The following PTPRE variants were observed in gnomAD, a reference collection of about 807,000 sequenced individuals.
The protein encoded by PTPRE is protein tyrosine phosphatase receptor type E.
A neutral mutation model predicts 102.0 loss-of-function variants in PTPRE; 51 were observed. The ratio of observed to expected loss-of-function variants is 0.50; its 90% CI spans 0.40 to 0.63. The LOEUF (loss-of-function observed/expected upper bound fraction) is 0.63, where lower values mean the gene tolerates loss of function less well. PTPRE is among the 30% of genes least tolerant of loss of function. PTPRE has a pLI of 0.00. For synonymous variants in PTPRE, 345 were observed against 348.2 expected, an observed-to-expected ratio of 0.99 and a Z score of 0.10; for missense variants, 752 against 915.1, an observed-to-expected ratio of 0.82 and a Z score of 2.30.
chr10:128,021,329 A>G (rs1474089783), intron 2 of PTPRE, among the ~76,000 whole-genome samples: 1 of 151,958 alleles, frequency 6.6e-6, no homozygotes, highest in Non-Finnish European at 1.5e-5. Context: ...AGGGACTGTG[A>G]CCTCCTGGGG....
chr10:128,030,951 A>C (rs1387407586), intron 2 of PTPRE, among the ~76,000 whole-genome samples: 1 of 152,220 alleles, frequency 6.6e-6, no homozygotes, highest in African/African-American at 2.4e-5. Flanking sequence ...CGCCTAACAC[A>C]TGGCAGTTGC....
intron 2 of PTPRE, among the ~76,000 whole-genome samples, chr10:128,027,120 G>A (rs745784386): frequency 6.6e-6 from 1 of 152,228 alleles, no homozygotes; most frequent in Non-Finnish European, 1.5e-5. Context: ...ATTTCCTAGA[G>A]AGGGTATTAG....
chr10:127,976,739 A>G (rs1264161620), intron 1 of PTPRE, among the ~76,000 whole-genome samples: 2 of 152,214 alleles, frequency 1.3e-5, no homozygotes, highest in African/African-American at 4.8e-5. Flanking sequence ...CCCTCCCCCA[A>G]GTTCAGTAGC....
intron 2 of PTPRE, among the ~76,000 whole-genome samples, chr10:128,003,078 C>T (rs1478292029): frequency 6.6e-6 from 1 of 152,150 alleles, no homozygotes; most frequent in Admixed American, 6.5e-5. Context: ...TCCTGAAGAG[C>T]AGAGTGGGCT....
chr10:128,046,384 G>A (rs896768275), intron 3 of PTPRE, among the ~76,000 whole-genome samples: 1 of 152,194 alleles, frequency 6.6e-6, no homozygotes, highest in African/African-American at 2.4e-5. Context: ...AGTGATTGGT[G>A]CTTCTGGGAA....
chr10:127,990,411 C>CAAAAAAAAAAA (rs60034358), intron 2 of PTPRE, among the ~76,000 whole-genome samples: 3 of 65,722 alleles, frequency 4.6e-5, no homozygotes, highest in Admixed American at 1.8e-4. Flanking sequence ...GACTCCACCT[C>CAAAAAAAAAAA]AAAAAAAAAA....
intron 1 of PTPRE, among the ~76,000 whole-genome samples, chr10:127,958,472 A>G (rs894327611): frequency 2.6e-5 from 4 of 152,008 alleles, no homozygotes; most frequent in African/African-American, 9.7e-5. Flanking sequence ...TTTCTTCTTT[A>G]GCCTGTTGAT....
At chr10:127,969,633 ACTCCACC>A (rs929876894) in intron 1 of PTPRE, among the ~76,000 whole-genome samples, 1 of 140,392 alleles carries the variant, frequency 7.1e-6, no homozygotes, top group Non-Finnish European at 1.5e-5. Flanking sequence ...GGGCCACTGC[ACTCCACC>A]CTGGCAACAG....
At chr10:128,059,853 A>G in intron 7 of PTPRE, among the ~76,000 whole-genome samples, 1 of 152,186 alleles carries the variant, frequency 6.6e-6, no homozygotes, top group East Asian at 1.9e-4. Flanking sequence ...TAATAGTTCT[A>G]TGGAGGAAGC....
At chr10:127,967,666 C>T (rs1850360863) in intron 1 of PTPRE, among the ~76,000 whole-genome samples, 1 of 152,162 alleles carries the variant, frequency 6.6e-6, no homozygotes, top group African/African-American at 2.4e-5. Context: ...TATTAAAATG[C>T]AGCATCCTTA....
chr10:128,082,230 G>T (rs1851791730), intron 20 of PTPRE, among the ~76,000 whole-genome samples: 1 of 108,952 alleles, frequency 9.2e-6, no homozygotes, highest in Non-Finnish European at 1.7e-5. Flanking sequence ...TTTTGAGACA[G>T]GGTCTCACTC....
chr10:127,934,963 C>T (rs1156959347), intron 1 of PTPRE: 2 of 152,352 alleles, frequency 1.3e-5, no homozygotes, highest in East Asian at 3.9e-4. Context: ...GGGGCCCCCG[C>T]TATGAGCATA....
At chr10:127,992,549 C>A (rs1852782326) in intron 2 of PTPRE, among the ~76,000 whole-genome samples, 1 of 152,128 alleles carries the variant, frequency 6.6e-6, no homozygotes, top group Admixed American at 6.5e-5. Context: ...GTGAAGAGGC[C>A]CCCTATTCAG....
intron 2 of PTPRE, among the ~76,000 whole-genome samples, chr10:128,030,671 G>A (rs897122597): frequency 6.6e-6 from 1 of 152,176 alleles, no homozygotes; most frequent in African/African-American, 2.4e-5. Context: ...GAGCAGTGCC[G>A]CGTGCATGGA....
intron 20 of PTPRE, among the ~76,000 whole-genome samples, chr10:128,082,093 A>G (rs1015129217): frequency 6.6e-5 from 10 of 151,874 alleles, no homozygotes; most frequent in African/African-American, 2.4e-4. Flanking sequence ...TGTACAGTAA[A>G]TGTAGGCTTT....
At chr10:128,031,381 T>C (rs1564903762) in intron 2 of PTPRE, among the ~76,000 whole-genome samples, 1 of 152,104 alleles carries the variant, frequency 6.6e-6, no homozygotes, top group Non-Finnish European at 1.5e-5. Flanking sequence ...CCGGGTGCCC[T>C]CTTCTCAGTG....
intron 2 of PTPRE, among the ~76,000 whole-genome samples, chr10:127,984,726 T>C (rs907118352): frequency 2.0e-5 from 3 of 152,208 alleles, no homozygotes; most frequent in African/African-American, 7.2e-5. Flanking sequence ...TTAAGGGGTT[T>C]CCACTTAACT....
chr10:128,038,138 A>G (rs1246726047), intron 2 of PTPRE, among the ~76,000 whole-genome samples: 2 of 152,060 alleles, frequency 1.3e-5, no homozygotes, highest in Non-Finnish European at 2.9e-5. Context: ...CATCATTTGG[A>G]CCAATTCATG....
chr10:128,068,046 G>T, intron 11 of PTPRE, 77 bp from the exon 12 acceptor site: 2 of 1,506,094 alleles, frequency 1.3e-6, no homozygotes, highest in Non-Finnish European at 9.0e-7. Context: ...GCCCACGGCG[G>T]CGTCCTCAGA....
Sources: gnomAD v4.1 joint callset for allele counts (sites outside exome capture counted in the v4.1 genomes callset) on GRCh38, gnomAD v4.1.1 for gene constraint, MANE v1.5 for transcripts, NCBI Gene and HGNC (gene_info 2026-07-23, HGNC 2026-07-21) for gene names.